The following UGGT2 variants were observed in gnomAD, a reference collection of about 807,000 sequenced individuals.
The protein encoded by UGGT2 is UDP-glucose glycoprotein glucosyltransferase 2.
In UGGT2, 180 loss-of-function variants were observed where a neutral mutation model predicts 192.1. The ratio of observed to expected loss-of-function variants is 0.94; its 90% confidence interval spans 0.83 to 1.06. The LOEUF (loss-of-function observed/expected upper bound fraction) is 1.06. Among genes scored for constraint, UGGT2 ranks in the 50% least tolerant of loss-of-function variants. The pLI is 0.00. For missense variants in UGGT2, 1,849 were observed against 1,795.7 expected, an observed-to-expected ratio of 1.03 and a Z score of -0.54; for synonymous variants, 580 against 591.0, an observed-to-expected ratio of 0.98 and a Z score of 0.27.
intron 17 of UGGT2, among the ~76,000 whole-genome samples, chr13:95,930,402 C>T (rs960085065): frequency 6.0e-5 from 9 of 148,848 alleles, no homozygotes; most frequent in Non-Finnish European, 1.0e-4. Flanking sequence ...AGTTTTAAGT[C>T]TTATACTTAA....
chr13:95,805,922 T>A (rs1884278938), intron 38 of UGGT2, among the ~76,000 whole-genome samples: 1 of 151,690 alleles, frequency 6.6e-6, no homozygotes, highest in South Asian at 2.1e-4. Flanking sequence ...GTGATTTTTT[T>A]AACCACAATG....
At chr13:95,955,881 T>C (rs1268144258) in intron 12 of UGGT2, among the ~76,000 whole-genome samples, 2 of 152,204 alleles carry the variant, frequency 1.3e-5, no homozygotes, top group Non-Finnish European at 2.9e-5. Flanking sequence ...GATGTCACAG[T>C]TACAAGCATG....
intron 2 of UGGT2, 126 bp downstream of exon 2, chr13:96,031,763 T>C: frequency 1.6e-6 from 1 of 641,642 alleles, no homozygotes; most frequent in South Asian, 3.3e-5. Context: ...ATTTTCAAAT[T>C]TAATGTTCGG....
At chr13:95,844,395 GATTA>G (rs1247628246) in intron 36 of UGGT2, among the ~76,000 whole-genome samples, 2 of 152,206 alleles carry the variant, frequency 1.3e-5, no homozygotes, top group Non-Finnish European at 2.9e-5. Context: ...TAAATCTAGT[GATTA>G]ATTTGGGGAG....
intron 16 of UGGT2, among the ~76,000 whole-genome samples, chr13:95,939,279 T>G (rs1007316513): frequency 3.3e-5 from 5 of 152,196 alleles, no homozygotes; most frequent in Admixed American, 1.3e-4. Flanking sequence ...TGTCTAACTT[T>G]TCCTCCTGCT....
At chr13:95,972,347 A>C (rs1231730999) in intron 11 of UGGT2, among the ~76,000 whole-genome samples, 1 of 152,218 alleles carries the variant, frequency 6.6e-6, no homozygotes, top group East Asian at 1.9e-4. Flanking sequence ...AGAATAACAA[A>C]GTAATTATAG....
At chr13:95,967,431 C>G (rs957122537) in intron 12 of UGGT2, among the ~76,000 whole-genome samples, 1 of 150,770 alleles carries the variant, frequency 6.6e-6, no homozygotes, top group Admixed American at 6.6e-5. Context: ...GGATTACAGG[C>G]GTGAGCCACC....
At chr13:95,985,378 C>A (rs990791084) in intron 9 of UGGT2, 3 of 815,136 alleles carry the variant, frequency 3.7e-6, no homozygotes, top group Middle Eastern at 2.8e-4. Flanking sequence ...CAAGGTACCA[C>A]CAAAAAATCC....
At chr13:95,979,338 T>C (rs2026818) in intron 10 of UGGT2, among the ~76,000 whole-genome samples, 52,976 of 151,758 alleles carry the variant, frequency 0.35, 9,630 homozygotes, top group Middle Eastern at 0.43. Flanking sequence ...GTCATAGTTT[T>C]TGAATAATCT....
At chr13:95,937,238 A>G in intron 16 of UGGT2, 150 bp from the exon 17 acceptor site, 1 of 925,334 alleles carries the variant, frequency 1.1e-6, no homozygotes, top group Non-Finnish European at 1.6e-6. Flanking sequence ...ACATTGCCTA[A>G]AGGAAAGTAA....
At chr13:95,858,044 A>G (rs1349878041) in intron 33 of UGGT2, among the ~76,000 whole-genome samples, 1 of 148,852 alleles carries the variant, frequency 6.7e-6, no homozygotes, top group African/African-American at 2.5e-5. Flanking sequence ...AGGAGGAGAC[A>G]CTGTTGGTGG....
chr13:95,874,310 T>C lies in UGGT2; in HGVS notation c.3473+2969A>G, dbSNP rs117084021. 1.3e-3 allele frequency among the ~76,000 whole-genome samples: 191 copies of C among 152,300 alleles called. 2 individuals are homozygous for C. In the East Asian group the frequency reaches 0.029, roughly 23 times the overall value. On this transcript the variant is annotated intron_variant, in intron 29 of 38. Coordinates refer to ENST00000376747, the MANE Select transcript of UGGT2 (RefSeq NM_020121.4). The stretch of plus-strand genomic sequence containing the variant: ...GAACCCTAAATGTATGTTTTTCCTA[T>C]ACATACATGTCTATGATAAGGTTTA...
At chr13:95,914,879 T>G (rs1051628117) in intron 20 of UGGT2, among the ~76,000 whole-genome samples, 6 of 152,284 alleles carry the variant, frequency 3.9e-5, no homozygotes, top group African/African-American at 1.2e-4. Context: ...TTTAAAAGAC[T>G]GATAGTTCTG....
chr13:95,803,504 C>T (rs766612443), intron 38 of UGGT2, among the ~76,000 whole-genome samples: 1 of 152,158 alleles, frequency 6.6e-6, no homozygotes, highest in Non-Finnish European at 1.5e-5. Context: ...AGGTGATCCA[C>T]CCGCCTTGGC....
chr13:95,886,031 C>T (rs536935025), intron 26 of UGGT2, among the ~76,000 whole-genome samples: 4 of 152,098 alleles, frequency 2.6e-5, no homozygotes, highest in African/African-American at 9.6e-5. Context: ...ATGAAAAAAG[C>T]TAGTATAGAG....
chr13:95,950,022 A>G (rs2050006013), intron 12 of UGGT2, among the ~76,000 whole-genome samples: 1 of 152,144 alleles, frequency 6.6e-6, no homozygotes, highest in Non-Finnish European at 1.5e-5. Flanking sequence ...AGCAAGCTCC[A>G]CATTCACCTA....
intron 1 of UGGT2, among the ~76,000 whole-genome samples, chr13:96,041,835 C>A (rs2053173139): frequency 6.6e-6 from 1 of 151,962 alleles, no homozygotes. Context: ...ACCTAGGAAT[C>A]CCACCCCCAT....
At chr13:96,000,788 G>A (rs990375261) in intron 5 of UGGT2, among the ~76,000 whole-genome samples, 1 of 151,930 alleles carries the variant, frequency 6.6e-6, no homozygotes, top group Non-Finnish European at 1.5e-5. Flanking sequence ...GAAGTGTGTT[G>A]ATATAAAATT....
intron 5 of UGGT2, among the ~76,000 whole-genome samples, chr13:96,002,326 G>T (rs1195192348): frequency 6.6e-6 from 1 of 152,174 alleles, no homozygotes; most frequent in Non-Finnish European, 1.5e-5. Flanking sequence ...AAAATGTTTT[G>T]AGTGCACACT....
Sources: gnomAD v4.1 joint callset for allele counts (sites outside exome capture counted in the v4.1 genomes callset) on GRCh38, gnomAD v4.1.1 for gene constraint, MANE v1.5 for transcripts, NCBI Gene and HGNC (gene_info 2026-07-23, HGNC 2026-07-21) for gene names.